TLDC2: variants seen among roughly 807,000 people sequenced by gnomAD.
TLDC2 encodes the protein TBC/LysM-associated domain containing 2, also known as TLD domain-containing protein 2.
In TLDC2, 23 loss-of-function variants were observed where a neutral mutation model predicts 27.9. The ratio of observed to expected loss-of-function variants is 0.82; its 90% CI spans 0.59 to 1.17. The LOEUF is 1.17. TLDC2 is among the 50% of genes most tolerant of loss of function. The pLI is 0.00. For missense variants in TLDC2, 286 were observed against 273.4 expected (o/e 1.05, Z -0.32); for synonymous variants, 124 against 107.4 (o/e 1.16, Z -0.96).
intron 2 of TLDC2, 67 bp downstream of exon 2, chr20:36,878,121 C>T (rs1349641671): frequency 3.3e-6 from 5 of 1,519,988 alleles, no homozygotes; most frequent in East Asian, 2.3e-5. Flanking sequence ...TCCTGCCCTA[C>T]ACCAGCCACG....
intron 5 of TLDC2, among the ~76,000 whole-genome samples, chr20:36,888,491 G>A (rs1019177033): frequency 2.6e-5 from 4 of 151,802 alleles, no homozygotes; most frequent in African/African-American, 9.7e-5. Flanking sequence ...CGGATCACGA[G>A]GTCAGGAGAT....
rs571259365 is a variant in TLDC2, at chr20:36,879,179, G to A, written c.328G>A (p.Asp110Asn). ...CSGPVLLVLR[D>N]QDGQIFGAFS... ...CGGGCCAGTGCTGCTGGTGCTCAGG[G>A]ACCAGGACGGGCAGGTGAGCTGGGC... is the stretch of plus-strand genomic sequence containing the variant. The change falls in exon 3 of 7, where the codon GAC (aspartate) becomes AAC (asparagine). Residue 110 changes from aspartate to asparagine, a missense_variant. Physicochemically the swap from Asp to Asn is conservative, Grantham distance 23 (BLOSUM62 1). Transcript: ENST00000217320. 3 of 1,613,244 alleles carry A rather than the reference G, an allele frequency of 1.9e-6. No individual in the cohort carries two copies. Among genetic ancestry groups the A allele is most frequent in the East Asian group, 4.5e-5 (2 of 44,870 alleles).
chr20:36,893,085 A>G lies in TLDC2; in HGVS notation c.*241A>G. On this transcript the variant is annotated 3_prime_UTR_variant, in exon 7 of 7. Transcript: ENST00000217320. ...CGCCATCCTATTAGGAAGAGAGAGAAAAACAGGCAATAGAGAAAAGCCAGT... is the reference window on the plus strand; with the variant it reads ...CGCCATCCTATTAGGAAGAGAGAGAGAAACAGGCAATAGAGAAAAGCCAGT... 1 of 1,611,358 alleles carries G rather than the reference A, an allele frequency of 6.2e-7. No individual in the cohort carries two copies. Among genetic ancestry groups the G allele is most frequent in the Non-Finnish European group, 8.5e-7 (1 of 1,179,980 alleles).
chr20:36,878,513 G>A (rs894198958), intron 2 of TLDC2, among the ~76,000 whole-genome samples: 3 of 152,096 alleles, frequency 2.0e-5, no homozygotes, highest in African/African-American at 7.2e-5. Context: ...CCCAGCAGGC[G>A]GAGGTTGCAG....
chr20:36,889,460 C>G (rs1990006853), intron 6 of TLDC2, 57 bp downstream of exon 6: 1 of 1,547,624 alleles, frequency 6.5e-7, no homozygotes, highest in East Asian at 2.3e-5. Flanking sequence ...GCAGCCTGTG[C>G]TGTTTGAAAC....
intron 4 of TLDC2, among the ~76,000 whole-genome samples, chr20:36,883,775 A>G (rs375716037): frequency 6.6e-6 from 1 of 152,202 alleles, no homozygotes; most frequent in African/African-American, 2.4e-5. Context: ...TTCAGTCAGC[A>G]CAGTAGCTGG....
chr20:36,881,553 C>T (rs986752513), intron 4 of TLDC2, among the ~76,000 whole-genome samples: 4 of 152,128 alleles, frequency 2.6e-5, no homozygotes, highest in African/African-American at 4.8e-5. Flanking sequence ...GTTAGGACGC[C>T]GCCACTTCAG....
intron 4 of TLDC2, among the ~76,000 whole-genome samples, chr20:36,882,999 C>A (rs1231031181): frequency 6.6e-6 from 1 of 152,168 alleles, no homozygotes; most frequent in Non-Finnish European, 1.5e-5. Context: ...TCTCTAGTGA[C>A]CCTCATTTCT....
At chr20:36,885,161 G>A (rs1285849377) in intron 4 of TLDC2, among the ~76,000 whole-genome samples, 1 of 152,182 alleles carries the variant, frequency 6.6e-6, no homozygotes, top group Non-Finnish European at 1.5e-5. Context: ...ACAGGCGTGA[G>A]CCACCGTGCC....
chr20:36,889,412 C>T lies in TLDC2; in HGVS notation c.*17+9C>T. The T allele has an allele frequency of 6.2e-7, 1 of 1,610,084 alleles. No individual in the cohort carries two copies. The highest frequency in any genetic ancestry group is 1.1e-5 in the South Asian group (1 of 90,680). ...CAGCCCTGCGGCAACAGGTACTCAGCCCTGCTCATGATGCCACCCAGGCCT... is the reference window on the plus strand; with the variant it reads ...CAGCCCTGCGGCAACAGGTACTCAGTCCTGCTCATGATGCCACCCAGGCCT... On this transcript the variant is annotated intron_variant, in intron 6 of 6. Transcript: ENST00000217320.
intron 3 of TLDC2, among the ~76,000 whole-genome samples, chr20:36,880,057 G>A (rs1989764706): frequency 2.4e-5 from 1 of 41,216 alleles, no homozygotes; most frequent in Admixed American, 2.9e-4. Flanking sequence ...TACTTGTGTA[G>A]AATATATATA....
In TLDC2 at chr20:36,880,681, T is replaced by C; in HGVS notation, c.369T>C (p.Ala123=). ...GQIFGAFSSS[A]IRLSKGFYGT... is the part of the protein sequence containing the mutation. ...TATTTGGAGCCTTCTCCTCCTCGGC[T>C]ATCCGACTCAGCAAAGGCTTCTATG... Residue 123 remains alanine (A), a synonymous_variant, in exon 4 of 7, where the codon GCT becomes GCC. Coordinates refer to ENST00000217320, the MANE Select transcript of TLDC2 (RefSeq NM_080628.3). 6.2e-7 allele frequency: 1 copy of C among 1,614,244 alleles called. No individual in the cohort carries two copies. The highest frequency in any genetic ancestry group is 2.2e-5 in the East Asian group (1 of 44,882).
At chr20:36,889,195 C>A (rs1282609274) in intron 5 of TLDC2, 56 bp from the exon 6 acceptor site, 8 of 1,591,340 alleles carry the variant, frequency 5.0e-6, no homozygotes, top group Non-Finnish European at 6.9e-6. Flanking sequence ...GTGGCAGAGC[C>A]TGGGGGTTTC....
chr20:36,879,030 C>T lies in TLDC2; in HGVS notation c.190-11C>T. ...GAGAACTCCTCCATTCACCTCCAACCCTGTCCCCAGCTCAGCTTTCACTTC... is the reference window on the plus strand; with the variant it reads ...GAGAACTCCTCCATTCACCTCCAACTCTGTCCCCAGCTCAGCTTTCACTTC... On this transcript the variant is annotated splice_polypyrimidine_tract_variant and intron_variant, in intron 2 of 6. Transcript: ENST00000217320. 2 of 1,614,194 alleles carry T rather than the reference C, an allele frequency of 1.2e-6. No homozygotes were observed. Among genetic ancestry groups the T allele is most frequent in the South Asian group, 1.1e-5 (1 of 91,082 alleles).
chr20:36,892,590 C>T (rs554557264), intron 6 of TLDC2: 8 of 319,874 alleles, frequency 2.5e-5, no homozygotes, highest in South Asian at 1.4e-4. Flanking sequence ...CAGGAAAGTT[C>T]GAGTCCAAGC....
At chr20:36,876,258 G>A (rs759549445) in intron 1 of TLDC2, 51 bp downstream of exon 1, 5 of 1,613,236 alleles carry the variant, frequency 3.1e-6, no homozygotes, top group Admixed American at 3.3e-5. Flanking sequence ...GAAAGGAGGT[G>A]AGGTCTCTGG....
chr20:36,892,601 T>C (rs946721561), intron 6 of TLDC2: 4 of 334,320 alleles, frequency 1.2e-5, no homozygotes, highest in Non-Finnish European at 1.1e-5. Flanking sequence ...GAGTCCAAGC[T>C]GGGCAACAGA....
At chr20:36,888,668 T>C (rs924132787) in intron 5 of TLDC2, among the ~76,000 whole-genome samples, 3 of 130,590 alleles carry the variant, frequency 2.3e-5, no homozygotes, top group African/African-American at 8.7e-5. Flanking sequence ...ATCGCGCCAT[T>C]GCACTCCAGG....
intron 3 of TLDC2, 108 bp downstream of exon 3, chr20:36,879,301 G>C: frequency 7.1e-7 from 1 of 1,402,942 alleles, no homozygotes; most frequent in Non-Finnish European, 9.5e-7. Flanking sequence ...GACAGACTAA[G>C]TCACCTATAA....
Sources: gnomAD v4.1 joint callset for allele counts (sites outside exome capture counted in the v4.1 genomes callset) on GRCh38, gnomAD v4.1.1 for gene constraint, MANE v1.5 for transcripts, NCBI Gene and HGNC (gene_info 2026-07-23, HGNC 2026-07-21) for gene names.